The following PLXDC2 variants were observed in gnomAD, a reference collection of about 807,000 sequenced individuals.
PLXDC2 encodes plexin domain containing 2.
In PLXDC2, 40 loss-of-function variants were observed where a neutral mutation model predicts 68.9. The ratio of observed to expected loss-of-function variants is 0.58; its 90% CI spans 0.45 to 0.76. The LOEUF (loss-of-function observed/expected upper bound fraction) is 0.76. PLXDC2 is among the 30% of genes least tolerant of loss of function. The pLI is 0.00. For missense variants in PLXDC2, 644 were observed against 661.9 expected, an observed-to-expected ratio of 0.97 and a Z score of 0.30; for synonymous variants, 243 against 234.2, an observed-to-expected ratio of 1.04 and a Z score of -0.34.
chr10:20,072,540 A>AAAGAAAGAAAG (rs1836350570), intron 4 of PLXDC2, among the ~76,000 whole-genome samples: 1 of 106,636 alleles, frequency 9.4e-6, no homozygotes, highest in Non-Finnish European at 1.6e-5. Flanking sequence ...AGAAAGAAAG[A>AAAGAAAGAAAG]AAGAAAGAAA....
chr10:20,055,949 T>G (rs1835990939), intron 3 of PLXDC2, among the ~76,000 whole-genome samples: 1 of 152,102 alleles, frequency 6.6e-6, no homozygotes. Context: ...AAGAAACAGA[T>G]GTACATTCCA....
intron 9 of PLXDC2, among the ~76,000 whole-genome samples, chr10:20,179,461 G>C (rs1198979336): frequency 6.6e-6 from 1 of 151,946 alleles, no homozygotes; most frequent in East Asian, 1.9e-4. Context: ...TAGCACAAAG[G>C]GTTTCCCAAG....
intron 2 of PLXDC2, among the ~76,000 whole-genome samples, chr10:20,036,769 T>A (rs1468473651): frequency 6.6e-6 from 1 of 152,184 alleles, no homozygotes; most frequent in Non-Finnish European, 1.5e-5. Context: ...GCAAGACCCA[T>A]AATTTATTCC....
intron 3 of PLXDC2, among the ~76,000 whole-genome samples, chr10:20,050,338 C>A (rs1835874760): frequency 1.3e-5 from 2 of 151,978 alleles, no homozygotes; most frequent in Admixed American, 1.3e-4. Context: ...AATGCACTCA[C>A]AATGAAAGCA....
intron 13 of PLXDC2, among the ~76,000 whole-genome samples, chr10:20,274,896 A>G (rs970461714): frequency 6.6e-6 from 1 of 151,674 alleles, no homozygotes; most frequent in African/African-American, 2.4e-5. Context: ...ATTAATTAGT[A>G]TATGTCCAAT....
chr10:19,981,142 ATTGAATCTTCAATAG>A (rs1204402579), intron 1 of PLXDC2, among the ~76,000 whole-genome samples: 8 of 152,332 alleles, frequency 5.3e-5, no homozygotes, highest in Middle Eastern at 3.4e-3. Flanking sequence ...ACTGACAGCC[ATTGAATCTTCAATAG>A]TTGAATCTTT....
Position 20,269,866 on chromosome 10 carries a change from T to C in PLXDC2, c.1474-9837T>C, listed in dbSNP as rs1588553843. Among the ~76,000 whole-genome samples, 3 of 151,480 alleles carry C rather than the reference T, an allele frequency of 2.0e-5. No individual in the cohort carries two copies. The South Asian group carries it at 6.3e-4, about 32-fold the overall frequency. On this transcript the variant is annotated intron_variant, in intron 13 of 13. Transcript: ENST00000377252. ...AATCCCGTTTCTATTAAAAATACAATAATTAGCCAGGCATGGTTGTGCGTG... is the reference window on the plus strand; with the variant it reads ...AATCCCGTTTCTATTAAAAATACAACAATTAGCCAGGCATGGTTGTGCGTG...
intron 12 of PLXDC2, among the ~76,000 whole-genome samples, chr10:20,237,152 T>C (rs1472234507): frequency 6.6e-6 from 1 of 152,176 alleles, no homozygotes; most frequent in Non-Finnish European, 1.5e-5. Flanking sequence ...CCATACATAA[T>C]GTCCTTAGAT....
chr10:20,076,712 T>A (rs1339456928), intron 4 of PLXDC2, among the ~76,000 whole-genome samples: 1 of 152,166 alleles, frequency 6.6e-6, no homozygotes, highest in Non-Finnish European at 1.5e-5. Flanking sequence ...AGGAACCTAA[T>A]CCATTGTCAT....
At chr10:20,192,438 G>A (rs1834779303) in intron 9 of PLXDC2, among the ~76,000 whole-genome samples, 1 of 151,942 alleles carries the variant, frequency 6.6e-6, no homozygotes. Context: ...TAATTGACAA[G>A]GTAGGGTCCT....
At chr10:19,903,613 T>C (rs1406397013) in intron 1 of PLXDC2, among the ~76,000 whole-genome samples, 1 of 152,002 alleles carries the variant, frequency 6.6e-6, no homozygotes, top group Non-Finnish European at 1.5e-5. Flanking sequence ...ATTCATCTTT[T>C]CAATGAACCA....
At chr10:19,863,074 G>T (rs1033886825) in intron 1 of PLXDC2, among the ~76,000 whole-genome samples, 2 of 152,146 alleles carry the variant, frequency 1.3e-5, no homozygotes, top group Non-Finnish European at 2.9e-5. Context: ...GTAAGAGGAG[G>T]TGATTTTAAT....
intron 1 of PLXDC2, among the ~76,000 whole-genome samples, chr10:19,931,090 C>T (rs937103102): frequency 1.1e-4 from 17 of 152,162 alleles, no homozygotes; most frequent in Admixed American, 5.2e-4. Context: ...TTCTGCAACC[C>T]GCAAACACCC....
At position 19,872,464 on chromosome 10, in the gene PLXDC2, T is replaced by A. The variant is rs546946506; in HGVS notation, c.112+55273T>A. Among the ~76,000 whole-genome samples, 9 of 152,304 alleles carry A rather than the reference T, an allele frequency of 5.9e-5. No homozygotes were observed. In the South Asian group the frequency reaches 1.9e-3, roughly 32 times the overall value. ...ATCAGCCCAGCAGAGCTGGTGTCAG[T>A]CATTAATTATTTTGTCCTAAGGTCA... On this transcript the variant is annotated intron_variant, in intron 1 of 13. Coordinates refer to ENST00000377252, the MANE Select transcript of PLXDC2 (RefSeq NM_032812.9).
intron 13 of PLXDC2, among the ~76,000 whole-genome samples, chr10:20,277,429 C>T (rs72795942): frequency 0.021 from 3,187 of 152,112 alleles, 50 homozygotes; most frequent in Middle Eastern, 0.068. Flanking sequence ...TTATGATCTT[C>T]TCTCCACTTT....
intron 9 of PLXDC2, among the ~76,000 whole-genome samples, chr10:20,182,002 C>T (rs971744214): frequency 4.0e-5 from 6 of 150,388 alleles, no homozygotes; most frequent in African/African-American, 1.2e-4. Flanking sequence ...GTAACTTGGA[C>T]GAGGATGATG....
chr10:20,238,374 C>T (rs368429760), intron 12 of PLXDC2, among the ~76,000 whole-genome samples: 1 of 150,634 alleles, frequency 6.6e-6, no homozygotes, highest in Non-Finnish European at 1.5e-5. Flanking sequence ...TGGCCAGGTG[C>T]GGTGGCTCAC....
At chr10:19,928,727 G>A (rs1469264169) in intron 1 of PLXDC2, among the ~76,000 whole-genome samples, 4 of 151,076 alleles carry the variant, frequency 2.6e-5, no homozygotes, top group East Asian at 3.9e-4. Context: ...GAGAGTCTTC[G>A]GTGATGGAAG....
At position 20,098,357 on chromosome 10, in the gene PLXDC2, ATGTGTGTGTGTGTG is replaced by A. The variant is rs35209594; in HGVS notation, c.541+30132_541+30145del. 2.1e-5 allele frequency among the ~76,000 whole-genome samples: 3 copies of A among 145,492 alleles called. No homozygotes were observed. In the Admixed American group the frequency reaches 2.1e-4, roughly 10 times the overall value. On this transcript the variant is annotated intron_variant, in intron 4 of 13. Coordinates refer to ENST00000377252, the MANE Select transcript of PLXDC2 (RefSeq NM_032812.9). ...CCGTCATTTTCGTGCGTGTGTGTGT[ATGTGTGTGTGTGTG>A]TGTGTGTGTGTGTATGTATGTAATC...
Sources: allele counts gnomAD v4.1 joint callset (sites outside exome capture counted in the v4.1 genomes callset), GRCh38; gene constraint gnomAD v4.1.1; transcripts MANE v1.5; gene names NCBI Gene and HGNC (gene_info 2026-07-23, HGNC 2026-07-21).